Variants in RANBP2 observed in about 807,000 individuals in gnomAD.
RANBP2 encodes the protein E3 SUMO-protein ligase RanBP2.
In RANBP2, 57 loss-of-function variants were observed where a neutral mutation model predicts 303.6. The ratio of observed to expected loss-of-function variants is 0.19; its 90% CI spans 0.15 to 0.23. The LOEUF is 0.23. Ranked by LOEUF, RANBP2 falls within the 10% of genes least tolerant of loss-of-function variation. The probability of loss-of-function intolerance (pLI) is 1.00; values close to 1 mark genes in which losing one functional copy is unlikely to be tolerated. For synonymous variants in RANBP2, 1,167 were observed against 1,301.5 expected (o/e 0.90, Z 2.23); for missense variants, 3,138 against 3,780.8 (o/e 0.83, Z 4.46).
At chr2:108,804,171 TAATTC>T in the RANBP2 span, among the ~76,000 whole-genome samples, 1 of 152,294 alleles carries the variant, frequency 6.6e-6, no homozygotes, top group Non-Finnish European at 1.5e-5. Context: ...AGAAGGGAAT[TAATTC>T]AATTTTTTGA....
chr2:109,564,128 C>T, the RANBP2 span: 1,012 of 378,152 alleles, frequency 2.7e-3, 6 homozygotes, highest in African/African-American at 0.019. Flanking sequence ...CTCTGCCATA[C>T]ATTCTTCATC....
chr2:109,423,890 C>G, the RANBP2 span, among the ~76,000 whole-genome samples: 1 of 152,176 alleles, frequency 6.6e-6, no homozygotes. Flanking sequence ...ACAGCTGGGA[C>G]CCCAAGCAGG....
the RANBP2 span, among the ~76,000 whole-genome samples, chr2:109,428,745 A>C: frequency 2.0e-5 from 3 of 152,230 alleles, no homozygotes; most frequent in Non-Finnish European, 2.9e-5. Context: ...ATGTCTGAGC[A>C]TGCAGGGTGG....
At chr2:109,226,096 G>A in the RANBP2 span, among the ~76,000 whole-genome samples, 1 of 152,186 alleles carries the variant, frequency 6.6e-6, no homozygotes, top group South Asian at 2.1e-4. Flanking sequence ...TTTGACTCAG[G>A]CTAAATCACT....
chr2:108,819,370 A>G, the RANBP2 span, among the ~76,000 whole-genome samples: 1 of 152,176 alleles, frequency 6.6e-6, no homozygotes, highest in African/African-American at 2.4e-5. Flanking sequence ...CTGCATGTTC[A>G]ATATTTTGGC....
chr2:109,612,995 C>G, the RANBP2 span: 1 of 464,084 alleles, frequency 2.2e-6, no homozygotes, highest in Non-Finnish European at 4.2e-6. Context: ...CTCCAAAGAG[C>G]TTTTGTTTAC....
In RANBP2 at chr2:108,755,066, A is replaced by G; in HGVS notation, c.2364A>G (p.Ser788=). The G allele has an allele frequency of 1.2e-6, 2 of 1,611,978 alleles. No homozygotes were observed. The highest frequency in any genetic ancestry group is 1.7e-6 in the Non-Finnish European group (2 of 1,179,844). The change falls in exon 16 of 29, where the codon TCA becomes TCG. Residue 788 remains serine (S), a synonymous_variant. Transcript: ENST00000283195. ...STPSPTRYSL[S]PSKSYKYSPK... Reference sequence around the variant, plus strand: ...CGTCTCCTACCAGATATTCACTATCACCAAGTAAAAGTTACAAGGTAAACA... The same window carrying G: ...CGTCTCCTACCAGATATTCACTATCGCCAAGTAAAAGTTACAAGGTAAACA...
chr2:108,794,673 G>C, the RANBP2 span: 2 of 1,614,008 alleles, frequency 1.2e-6, no homozygotes, highest in East Asian at 4.5e-5. Context: ...TTCCACATCA[G>C]ATCAGTCAGA....
At chr2:109,262,908 C>T in the RANBP2 span, among the ~76,000 whole-genome samples, 1 of 152,186 alleles carries the variant, frequency 6.6e-6, no homozygotes, top group Non-Finnish European at 1.5e-5. Flanking sequence ...TCTTGGCTCA[C>T]TGCAACCTTT....
At chr2:109,236,466 T>C in the RANBP2 span, among the ~76,000 whole-genome samples, 6 of 152,310 alleles carry the variant, frequency 3.9e-5, no homozygotes, top group East Asian at 9.6e-4. Context: ...GTGAGCCGTG[T>C]TTTTTAGGAA....
the RANBP2 span, among the ~76,000 whole-genome samples, chr2:109,559,190 A>G: frequency 6.6e-6 from 1 of 152,190 alleles, no homozygotes; most frequent in Non-Finnish European, 1.5e-5. Context: ...CTGGCCAGAT[A>G]TAACTTCTTG....
the RANBP2 span, among the ~76,000 whole-genome samples, chr2:109,572,783 A>G: frequency 6.6e-6 from 1 of 150,824 alleles, no homozygotes; most frequent in African/African-American, 2.4e-5. Context: ...TGCCTGGCTA[A>G]TTTTTGTATT....
chr2:109,135,691 G>A, the RANBP2 span, among the ~76,000 whole-genome samples: 1 of 152,106 alleles, frequency 6.6e-6, no homozygotes, highest in African/African-American at 2.4e-5. Context: ...TGTGTTGTGA[G>A]TCTGATATCA....
At chr2:109,449,343 C>G in the RANBP2 span, 2 of 1,606,830 alleles carry the variant, frequency 1.2e-6, no homozygotes, top group Non-Finnish European at 1.7e-6. Context: ...GGCCATCCCC[C>G]TCACATCAGC....
At chr2:109,273,098 G>A in the RANBP2 span, among the ~76,000 whole-genome samples, 5 of 152,236 alleles carry the variant, frequency 3.3e-5, no homozygotes, top group African/African-American at 1.2e-4. Context: ...GGGTTGAAGA[G>A]ATACTGGTTC....
At chr2:109,133,840 C>G in the RANBP2 span, among the ~76,000 whole-genome samples, 6 of 151,322 alleles carry the variant, frequency 4.0e-5, no homozygotes, top group African/African-American at 1.2e-4. Context: ...ATAAGGACAA[C>G]AGATCCCTGA....
At chr2:109,304,128 G>T in the RANBP2 span, among the ~76,000 whole-genome samples, 1 of 151,784 alleles carries the variant, frequency 6.6e-6, no homozygotes, top group African/African-American at 2.4e-5. Flanking sequence ...GATCTACTCT[G>T]CTAGCAGTTT....
At chr2:109,725,771 CA>C in the RANBP2 span, among the ~76,000 whole-genome samples, 3 of 152,020 alleles carry the variant, frequency 2.0e-5, no homozygotes, top group Non-Finnish European at 1.5e-5. Flanking sequence ...CTTGCTCTGT[CA>C]CCCAGGCTGG....
At chr2:109,585,716 C>A in the RANBP2 span, 5 of 1,592,466 alleles carry the variant, frequency 3.1e-6, no homozygotes, top group African/African-American at 1.3e-5. Flanking sequence ...GTAGGTGGCA[C>A]GTACCCACAC....
Sources: gnomAD v4.1 joint callset for allele counts (sites outside exome capture counted in the v4.1 genomes callset) on GRCh38, gnomAD v4.1.1 for gene constraint, MANE v1.5 for transcripts, NCBI Gene and HGNC (gene_info 2026-07-23, HGNC 2026-07-21) for gene names.